Variants in HSF2BP observed in about 807,000 individuals in gnomAD.
HSF2BP encodes the protein heat shock factor 2-binding protein.
In HSF2BP, 35 loss-of-function variants were observed where a neutral mutation model predicts 35.0. The observed-to-expected ratio is 1.00, with a 90% CI of 0.76 to 1.32. The LOEUF (loss-of-function observed/expected upper bound fraction) is 1.32. Ranked by LOEUF, HSF2BP falls within the 40% of genes most tolerant of loss-of-function variation. HSF2BP has a pLI of 0.00. For missense variants in HSF2BP, 326 were observed against 321.7 expected (o/e 1.01, Z -0.10); for synonymous variants, 114 against 117.4 (o/e 0.97, Z 0.18).
intron 5 of HSF2BP, among the ~76,000 whole-genome samples, chr21:43,632,660 T>C (rs1568929058): frequency 6.6e-6 from 1 of 152,106 alleles, no homozygotes; most frequent in Non-Finnish European, 1.5e-5. Flanking sequence ...ACCACTCCTC[T>C]TCCTCCTCCT....
intron 3 of HSF2BP, among the ~76,000 whole-genome samples, chr21:43,650,498 C>T (rs1343372815): frequency 6.6e-6 from 1 of 152,054 alleles, no homozygotes; most frequent in Non-Finnish European, 1.5e-5. Context: ...AGCCACCGTG[C>T]CCGGCCCATA....
Position 43,592,205 on chromosome 21 carries a change from C to G in HSF2BP, c.796+20G>C, listed in dbSNP as rs775229780. The G allele has an allele frequency of 6.5e-7, 1 of 1,529,914 alleles. No individual in the cohort carries two copies. The highest frequency in any genetic ancestry group is 1.1e-5 in the South Asian group (1 of 89,382). 94.8% of individuals were successfully genotyped at this position (1,529,914 alleles called of 1,614,324 possible). ...TGCATAACCCGTACAAGCAGCTGGA[C>G]AGATAACCACCCCCCTTACCACTCA... On this transcript the variant is annotated intron_variant, in intron 8 of 8. Coordinates refer to ENST00000291560, the MANE Select transcript of HSF2BP (RefSeq NM_007031.2).
intron 3 of HSF2BP, among the ~76,000 whole-genome samples, chr21:43,648,747 G>GA (rs1465950392): frequency 6.6e-6 from 1 of 152,198 alleles, no homozygotes; most frequent in African/African-American, 2.4e-5. Context: ...TCCCAGAACT[G>GA]AAATGGGGGT....
intron 7 of HSF2BP, among the ~76,000 whole-genome samples, chr21:43,609,483 CT>C (rs34551774): frequency 0.077 from 11,690 of 152,132 alleles, 583 homozygotes; most frequent in Non-Finnish European, 0.11. Context: ...AAAATAACCC[CT>C]ATCTCTGGGT....
At chr21:43,641,146 C>T (rs1450539774) in intron 4 of HSF2BP, among the ~76,000 whole-genome samples, 1 of 152,152 alleles carries the variant, frequency 6.6e-6, no homozygotes, top group Non-Finnish European at 1.5e-5. Flanking sequence ...GCGCCCACCA[C>T]CACGCCTGGC....
At chr21:43,616,211 C>T (rs2082268843) in intron 6 of HSF2BP, among the ~76,000 whole-genome samples, 1 of 152,158 alleles carries the variant, frequency 6.6e-6, no homozygotes, top group South Asian at 2.1e-4. Context: ...GAATGCACAC[C>T]ATGAGCCTTC....
intron 7 of HSF2BP, among the ~76,000 whole-genome samples, chr21:43,606,220 G>T (rs62226867): frequency 6.6e-6 from 1 of 152,192 alleles, no homozygotes; most frequent in Non-Finnish European, 1.5e-5. Context: ...CATAGAAGAG[G>T]ATTCCAGGGT....
intron 8 of HSF2BP, among the ~76,000 whole-genome samples, chr21:43,577,036 C>T (rs912669894): frequency 1.3e-5 from 2 of 152,112 alleles, no homozygotes; most frequent in African/African-American, 2.4e-5. Context: ...GTGATGTCAG[C>T]GACACCATTC....
At chr21:43,621,877 A>G (rs1325997082) in intron 6 of HSF2BP, among the ~76,000 whole-genome samples, 1 of 152,130 alleles carries the variant, frequency 6.6e-6, no homozygotes, top group Admixed American at 6.5e-5. Flanking sequence ...ACCCCAGAAT[A>G]CTCTAATACT....
Position 43,592,225 on chromosome 21 carries a change from C to A in HSF2BP, c.796G>T (p.Asp266Tyr), listed in dbSNP as rs2081935109. Reference protein sequence around the residue: ...FIPLLWWLLSDPDAEVCLHVL... With the variant: ...FIPLLWWLLSYPDAEVCLHVL... The stretch of plus-strand genomic sequence containing the variant: ...CTGGACAGATAACCACCCCCCTTAC[C>A]ACTCAAAAGCCACCACAGCAAAGGG... The change falls in exon 8 of 9, where the codon GAT becomes TAT. Residue 266 changes from aspartate to tyrosine, a missense_variant and splice_region_variant. By Grantham distance (160) the Asp-to-Tyr change is radical. Transcript: ENST00000291560. The A allele has an allele frequency of 1.2e-6, 2 of 1,607,240 alleles. No individual in the cohort carries two copies. Among genetic ancestry groups the A allele is most frequent in the African/African-American group, 2.7e-5 (2 of 74,874 alleles).
intron 6 of HSF2BP, among the ~76,000 whole-genome samples, chr21:43,618,060 A>C (rs1249892712): frequency 2.0e-5 from 3 of 152,078 alleles, no homozygotes; most frequent in African/African-American, 7.2e-5. Flanking sequence ...GAAGTTTGAG[A>C]TGAGTCTTAG....
Position 43,658,154 on chromosome 21 carries a change from C to A in HSF2BP, c.-58G>T, listed in dbSNP as rs2838343. 6.8e-7 allele frequency: 1 copy of A among 1,469,834 alleles called. No homozygotes were observed. The highest frequency in any genetic ancestry group is 1.4e-5 in the African/African-American group (1 of 69,728). 91.0% of individuals were successfully genotyped at this position (1,469,834 alleles called of 1,614,324 possible). ...CGTCGGCGCGCCCTCTGACCCCTCA[C>A]GCCAGAAAGCGCGGGAACGAATCCA... On this transcript the variant is annotated 5_prime_UTR_variant, in exon 2 of 9. Coordinates refer to ENST00000291560, the MANE Select transcript of HSF2BP (RefSeq NM_007031.2).
intron 8 of HSF2BP, 46 bp downstream of exon 8, chr21:43,592,179 C>T (rs767843651): frequency 1.4e-5 from 18 of 1,303,852 alleles, no homozygotes; most frequent in South Asian, 5.9e-5. Context: ...GGGAGGACTA[C>T]TGCATAACCC....
intron 8 of HSF2BP, among the ~76,000 whole-genome samples, chr21:43,583,453 C>A (rs2081792207): frequency 1.6e-5 from 1 of 62,094 alleles, no homozygotes; most frequent in Non-Finnish European, 3.0e-5. Context: ...GAGATGAAGG[C>A]CTGCTGAGGG....
intron 3 of HSF2BP, among the ~76,000 whole-genome samples, chr21:43,647,928 C>CAA (rs774339620): frequency 3.5e-4 from 27 of 76,540 alleles, no homozygotes; most frequent in Non-Finnish European, 6.6e-4. Context: ...GACTTCATCT[C>CAA]AAAAAAAAAA....
chr21:43,578,865 C>T (rs2081681566), intron 8 of HSF2BP, among the ~76,000 whole-genome samples: 3 of 152,236 alleles, frequency 2.0e-5, no homozygotes, highest in Admixed American at 2.0e-4. Flanking sequence ...TGGCAGGGCA[C>T]TCTGGCTTAG....
chr21:43,467,664 G>A, the HSF2BP span, among the ~76,000 whole-genome samples: 6 of 151,316 alleles, frequency 4.0e-5, no homozygotes, highest in South Asian at 1.3e-3. Context: ...CAAGGATGGG[G>A]ATGGGGGCCA....
chr21:43,631,562 T>C (rs1288607957), intron 5 of HSF2BP, among the ~76,000 whole-genome samples: 1 of 152,178 alleles, frequency 6.6e-6, no homozygotes, highest in Non-Finnish European at 1.5e-5. Context: ...GGTGAATCTT[T>C]CTAAAATTCT....
At chr21:43,640,533 C>A (rs2082622071) in intron 4 of HSF2BP, among the ~76,000 whole-genome samples, 1 of 152,200 alleles carries the variant, frequency 6.6e-6, no homozygotes, top group East Asian at 1.9e-4. Flanking sequence ...TATGTACATA[C>A]ATGCACACAC....
Sources: gnomAD v4.1 joint callset for allele counts (sites outside exome capture counted in the v4.1 genomes callset) on GRCh38, gnomAD v4.1.1 for gene constraint, MANE v1.5 for transcripts, NCBI Gene and HGNC (gene_info 2026-07-23, HGNC 2026-07-21) for gene names.